MYT1L: variants seen among roughly 807,000 people sequenced by gnomAD.
MYT1L encodes myelin transcription factor 1 like, also known as myelin transcription factor 1-like protein.
Under a neutral mutation model 126.7 loss-of-function variants are expected in MYT1L, and 12 were observed. The observed-to-expected ratio is 0.09, with a 90% CI of 0.06 to 0.15. The LOEUF (loss-of-function observed/expected upper bound fraction) is 0.15, where lower values mean the gene tolerates loss of function less well. Ranked by LOEUF, MYT1L falls within the 10% of genes least tolerant of loss-of-function variation. MYT1L has a pLI of 1.00. For synonymous variants in MYT1L, 541 were observed against 604.2 expected (o/e 0.90, Z 1.53); for missense variants, 979 against 1,585.2 (o/e 0.62, Z 6.49).
intron 3 of MYT1L, among the ~76,000 whole-genome samples, chr2:2,113,402 G>A (rs1309940527): frequency 6.6e-6 from 1 of 152,194 alleles, no homozygotes; most frequent in African/African-American, 2.4e-5. Context: ...CGACAGGCAC[G>A]CGCTCCGTCC....
intron 4 of MYT1L, among the ~76,000 whole-genome samples, chr2:2,050,750 A>C (rs919886746): frequency 4.6e-5 from 7 of 152,148 alleles, no homozygotes; most frequent in Non-Finnish European, 1.0e-4. Flanking sequence ...GAGCGGCAGA[A>C]GGTAGCGGGA....
At position 1,852,969 on chromosome 2, in the gene MYT1L, C is replaced by G. The variant is rs1200356413; in HGVS notation, c.2712-1266G>C. On this transcript the variant is annotated intron_variant, in intron 18 of 24. Coordinates refer to ENST00000647738, the MANE Select transcript of MYT1L (RefSeq NM_001303052.2). This position sits in a 1 kb window ranked among gnomAD's most constrained non-coding sequence, Gnocchi z 4.0. ...GTGCTTGCTTACAGGTGGGCTTTCT[C>G]AAGATCAGAGGAGAATGGCAGGGAT... 6.6e-6 allele frequency among the ~76,000 whole-genome samples: 1 copy of G among 152,204 alleles called. No homozygotes were observed. The highest frequency in any genetic ancestry group is 2.4e-5 in the African/African-American group (1 of 41,446).
intron 14 of MYT1L, among the ~76,000 whole-genome samples, chr2:1,900,914 G>A (rs2050258692): frequency 6.6e-6 from 1 of 152,162 alleles, no homozygotes; most frequent in Non-Finnish European, 1.5e-5. Context: ...GGAATGCGAT[G>A]ATCAATGCCA....
chr2:2,229,105 G>C (rs889575545), intron 2 of MYT1L, among the ~76,000 whole-genome samples: 1 of 152,104 alleles, frequency 6.6e-6, no homozygotes, highest in Non-Finnish European at 1.5e-5. Flanking sequence ...ACAGAGATGT[G>C]TTTATGTTTA....
At chr2:2,192,741 G>A (rs986755234) in intron 2 of MYT1L, among the ~76,000 whole-genome samples, 3 of 152,136 alleles carry the variant, frequency 2.0e-5, no homozygotes, top group African/African-American at 7.2e-5. Flanking sequence ...ACCCTCTGGG[G>A]CTGGGAGGAC....
At chr2:2,322,923 T>C (rs1573580458) in intron 1 of MYT1L, among the ~76,000 whole-genome samples, 1 of 152,322 alleles carries the variant, frequency 6.6e-6, no homozygotes, top group East Asian at 1.9e-4. Context: ...TGAGTTAAAT[T>C]TTTAAAAACT....
At chr2:2,206,104 T>A (rs946225498) in intron 2 of MYT1L, among the ~76,000 whole-genome samples, 3 of 151,922 alleles carry the variant, frequency 2.0e-5, no homozygotes, top group Non-Finnish European at 4.4e-5. Flanking sequence ...TGCCTCAGCC[T>A]CCTAAGCAAC....
Position 1,839,631 on chromosome 2 carries a change from G to A in MYT1L, c.2859-261C>T, listed in dbSNP as rs115650255. Among the ~76,000 whole-genome samples the A allele has an allele frequency of 2.1e-3, 316 of 152,350 alleles. 2 individuals carry two copies. Among genetic ancestry groups the A allele is most frequent in the African/African-American group, 7.3e-3 (303 of 41,576 alleles). ...TTCTGGAACAAAGTGTATGTGCCTG[G>A]TGGGACTGATGGGTTCAGCACACAA... is the stretch of plus-strand genomic sequence containing the variant. On this transcript the variant is annotated intron_variant, in intron 20 of 24. Transcript: ENST00000647738.
chr2:2,018,327 C>T (rs759889099), intron 4 of MYT1L, among the ~76,000 whole-genome samples: 7 of 152,106 alleles, frequency 4.6e-5, no homozygotes, highest in African/African-American at 1.7e-4. Context: ...GGTTGCAGGT[C>T]GAGTTTGGTG....
Position 2,153,417 on chromosome 2 carries a change from C to A in MYT1L, c.-304+19455G>T, listed in dbSNP as rs569570578. Among the ~76,000 whole-genome samples the A allele has an allele frequency of 1.5e-4, 23 of 152,302 alleles. No homozygotes were observed. The South Asian group carries it at 4.3e-3, about 29-fold the overall frequency. ...TGGGGCTTTGCCCAAGCAGTCAGAGCTGGAGGTGCTGGGCCAGAGTCCCTC... is the reference window on the plus strand; with the variant it reads ...TGGGGCTTTGCCCAAGCAGTCAGAGATGGAGGTGCTGGGCCAGAGTCCCTC... On this transcript the variant is annotated intron_variant, in intron 3 of 24. Transcript: ENST00000647738.
intron 2 of MYT1L, among the ~76,000 whole-genome samples, chr2:2,261,139 G>A (rs1029999343): frequency 1.7e-5 from 2 of 119,652 alleles, no homozygotes; most frequent in Admixed American, 1.6e-4. Flanking sequence ...GTGTGTGTGA[G>A]TGCGTGTGTG....
At chr2:2,222,172 A>G (rs1471807756) in intron 2 of MYT1L, among the ~76,000 whole-genome samples, 1 of 152,226 alleles carries the variant, frequency 6.6e-6, no homozygotes, top group East Asian at 1.9e-4. Flanking sequence ...ATTGAAACTC[A>G]GTGAAAAGGA....
At chr2:2,071,913 G>A (rs947429070) in intron 3 of MYT1L, among the ~76,000 whole-genome samples, 5 of 152,188 alleles carry the variant, frequency 3.3e-5, no homozygotes, top group African/African-American at 4.8e-5. Flanking sequence ...AGCTGTGGGC[G>A]AGGAGGGAGA....
At chr2:1,927,783 T>C (rs886193610) in intron 9 of MYT1L, among the ~76,000 whole-genome samples, 1 of 152,232 alleles carries the variant, frequency 6.6e-6, no homozygotes, top group Non-Finnish European at 1.5e-5. Flanking sequence ...CTGCTTTCTA[T>C]GGCTTTACAG....
At chr2:2,270,580 G>A (rs556378881) in intron 2 of MYT1L, among the ~76,000 whole-genome samples, 10 of 152,016 alleles carry the variant, frequency 6.6e-5, no homozygotes, top group East Asian at 1.9e-4. Flanking sequence ...CAGCCAATCC[G>A]AGCAATGAAA....
intron 8 of MYT1L, among the ~76,000 whole-genome samples, chr2:1,953,626 T>A (rs2058082467): frequency 6.6e-6 from 1 of 152,224 alleles, no homozygotes; most frequent in Admixed American, 6.5e-5. Context: ...GTTTTCTTTT[T>A]GGTTTTAGAG....
At chr2:2,007,426 C>A (rs2063438860) in intron 4 of MYT1L, among the ~76,000 whole-genome samples, 1 of 151,824 alleles carries the variant, frequency 6.6e-6, no homozygotes, top group South Asian at 2.1e-4. Flanking sequence ...AGGAAAAAAA[C>A]AAAACAGAAT....
chr2:2,177,012 A>C (rs1395817075), intron 2 of MYT1L, among the ~76,000 whole-genome samples: 1 of 152,208 alleles, frequency 6.6e-6, no homozygotes, highest in Non-Finnish European at 1.5e-5. Flanking sequence ...CTAACACTGA[A>C]GTGGAAACAG....
At chr2:1,826,368 T>C (rs1403011849) in intron 21 of MYT1L, among the ~76,000 whole-genome samples, 1 of 151,238 alleles carries the variant, frequency 6.6e-6, no homozygotes, top group African/African-American at 2.4e-5. Context: ...TGGGGAGGGC[T>C]GGGGGGCGGG....
Sources: allele counts gnomAD v4.1 joint callset (sites outside exome capture counted in the v4.1 genomes callset), GRCh38; gene constraint gnomAD v4.1.1; non-coding constraint Gnocchi (gnomAD v3.1); transcripts MANE v1.5; gene names NCBI Gene and HGNC (gene_info 2026-07-23, HGNC 2026-07-21).